GSG1L: variants seen among roughly 807,000 people sequenced by gnomAD.
The protein encoded by GSG1L is germ cell-specific gene 1-like protein.
A neutral mutation model predicts 42.1 loss-of-function variants in GSG1L; 24 were observed. The ratio of observed to expected loss-of-function variants is 0.57; its 90% CI spans 0.41 to 0.80. The LOEUF is 0.80. Among genes scored for constraint, GSG1L ranks in the 30% least tolerant of loss-of-function variants. The pLI is 0.00. For synonymous variants in GSG1L, 215 were observed against 203.5 expected (o/e 1.06, Z -0.48); for missense variants, 445 against 472.2 (o/e 0.94, Z 0.53).
intron 1 of GSG1L, among the ~76,000 whole-genome samples, chr16:28,062,778 G>A (rs539429683): frequency 2.2e-4 from 34 of 152,130 alleles, no homozygotes; most frequent in Admixed American, 1.6e-3. Context: ...CGGCAGCGGG[G>A]GTGGGCGCCT....
intron 5 of GSG1L, among the ~76,000 whole-genome samples, chr16:27,808,762 C>A (rs980665848): frequency 6.6e-6 from 1 of 152,206 alleles, no homozygotes; most frequent in Non-Finnish European, 1.5e-5. Context: ...TCCCCACCAA[C>A]AATTGCAAGA....
rs111682912 is a variant in GSG1L at position 27,920,660 on chromosome 16, C to T, written c.398-36022G>A. Among the ~76,000 whole-genome samples, 30 of 152,342 alleles carry T rather than the reference C, an allele frequency of 2.0e-4. 1 individual carries two copies. The highest frequency in any genetic ancestry group is 5.5e-4 in the African/African-American group (23 of 41,588). ...CATCCCGGGAAGTCACTGTTCATCA[C>T]GGCATGCTCCTGTCACCCTCCCAGC... On this transcript the variant is annotated intron_variant, in intron 2 of 6. Transcript: ENST00000447459.
At position 27,998,502 on chromosome 16, in the gene GSG1L, A is replaced by G. The variant is rs527769769; in HGVS notation, c.350-35299T>C. 3 of 152,162 alleles carry G rather than the reference A, an allele frequency of 2.0e-5. No homozygotes were observed. In the East Asian group the frequency reaches 5.8e-4, roughly 29 times the overall value. 9.4% of individuals were successfully genotyped at this position (152,162 alleles called of 1,614,324 possible). A position where few individuals can be genotyped will look rare whatever the true frequency, so the allele number is the denominator to read the frequency against. ...TTTGTCACATCTCATCAAACACAAG[A>G]CCTCACCAGGCGCGGGAGCTCCCGC... is the stretch of plus-strand genomic sequence containing the variant. On this transcript the variant is annotated intron_variant, in intron 1 of 6. Transcript: ENST00000447459.
intron 2 of GSG1L, among the ~76,000 whole-genome samples, chr16:27,920,958 T>G (rs543928724): frequency 3.4e-4 from 52 of 152,274 alleles, no homozygotes; most frequent in Admixed American, 9.8e-4. Flanking sequence ...AGACCTAGGC[T>G]GAGAAGGGCT....
chr16:27,908,975 G>A (rs1191557734), intron 2 of GSG1L, among the ~76,000 whole-genome samples: 1 of 152,140 alleles, frequency 6.6e-6, no homozygotes, highest in South Asian at 2.1e-4. Flanking sequence ...ATTAAAACAG[G>A]CTGGAGTCAG....
Position 27,890,136 on chromosome 16 carries a change from G to T in GSG1L, c.398-5498C>A, listed in dbSNP as rs373290601. ...GTTGCCACCGGTCTGGCTGTGGGGCGTAGGATTCCCTAGTCAAGGCTCTTA... is the reference window on the plus strand; with the variant it reads ...GTTGCCACCGGTCTGGCTGTGGGGCTTAGGATTCCCTAGTCAAGGCTCTTA... On this transcript the variant is annotated intron_variant, in intron 2 of 6. Transcript: ENST00000447459. Among the ~76,000 whole-genome samples, 3 of 152,152 alleles carry T rather than the reference G, an allele frequency of 2.0e-5. No individual in the cohort carries two copies. The South Asian group carries it at 6.2e-4, about 32-fold the overall frequency.
intron 3 of GSG1L, among the ~76,000 whole-genome samples, chr16:27,882,060 C>T (rs1338535281): frequency 6.6e-6 from 1 of 152,122 alleles, no homozygotes; most frequent in Non-Finnish European, 1.5e-5. Context: ...AACTGTAGTT[C>T]CCATAATTCC....
At chr16:28,011,485 C>A (rs1486700664) in intron 1 of GSG1L, among the ~76,000 whole-genome samples, 2 of 152,168 alleles carry the variant, frequency 1.3e-5, no homozygotes, top group Non-Finnish European at 2.9e-5. Context: ...ATGGGCCCAT[C>A]CGAAAGAGGC....
At chr16:27,962,960 C>T (rs1235840200) in intron 2 of GSG1L, among the ~76,000 whole-genome samples, 196 bp downstream of exon 2, 1 of 152,162 alleles carries the variant, frequency 6.6e-6, no homozygotes, top group East Asian at 1.9e-4. Flanking sequence ...CAGACAGTCC[C>T]CATCCACCAG....
intron 1 of GSG1L, among the ~76,000 whole-genome samples, chr16:28,031,125 T>TTGGGATGGGA (rs1334177953): frequency 7.7e-6 from 1 of 129,232 alleles, no homozygotes; most frequent in Non-Finnish European, 1.6e-5. Flanking sequence ...TTGAGATAGG[T>TTGGGATGGGA]TGGGATGGGA....
intron 1 of GSG1L, among the ~76,000 whole-genome samples, chr16:28,056,097 C>A (rs914863630): frequency 2.0e-4 from 30 of 152,128 alleles, no homozygotes; most frequent in Admixed American, 1.6e-3. Flanking sequence ...GTCCCCAGAG[C>A]CCCAGTACAT....
At chr16:27,986,374 C>T (rs1316893830) in intron 1 of GSG1L, among the ~76,000 whole-genome samples, 3 of 151,798 alleles carry the variant, frequency 2.0e-5, no homozygotes, top group Admixed American at 6.6e-5. Context: ...GTGGTGTGCA[C>T]CTGTAATCCC....
intron 2 of GSG1L, among the ~76,000 whole-genome samples, chr16:27,904,812 TG>T (rs777539046): frequency 5.3e-5 from 8 of 152,110 alleles, no homozygotes; most frequent in Non-Finnish European, 1.0e-4. Context: ...CAGTCATAAA[TG>T]GGGGTGAATG....
At chr16:27,799,264 C>T (rs1008308891) in intron 6 of GSG1L, among the ~76,000 whole-genome samples, 7 of 150,700 alleles carry the variant, frequency 4.6e-5, no homozygotes, top group African/African-American at 7.3e-5. Flanking sequence ...CTGGGCTTGG[C>T]GGCTCACGCC....
chr16:27,842,204 C>T (rs1348106449), intron 4 of GSG1L, among the ~76,000 whole-genome samples: 1 of 151,488 alleles, frequency 6.6e-6, no homozygotes. Context: ...ATCAGTAGCA[C>T]GTTGTTGCGC....
At chr16:27,801,449 G>A (rs1050516766) in intron 6 of GSG1L, among the ~76,000 whole-genome samples, 1 of 152,132 alleles carries the variant, frequency 6.6e-6, no homozygotes, top group African/African-American at 2.4e-5. Context: ...CTGACATCCC[G>A]CCTCCCCCGT....
intron 3 of GSG1L, among the ~76,000 whole-genome samples, chr16:27,847,869 C>T (rs1044333542): frequency 4.6e-5 from 7 of 152,198 alleles, no homozygotes; most frequent in African/African-American, 1.7e-4. Flanking sequence ...GCCTCCCAAG[C>T]CATGCTTCCT....
In GSG1L at chr16:27,948,861, G is replaced by A. The variant is rs1027163355; in HGVS notation, c.397+14295C>T. 2.1e-4 allele frequency among the ~76,000 whole-genome samples: 31 copies of A among 150,190 alleles called. 1 individual carries two copies. In the East Asian group the frequency reaches 2.1e-3, roughly 10 times the overall value. Reference sequence around the variant, plus strand: ...CCTGACCTCGTGATCCGCCTGCCTCGGCCTCCCAAAGTGCTGGGATTACAG... The same window carrying A: ...CCTGACCTCGTGATCCGCCTGCCTCAGCCTCCCAAAGTGCTGGGATTACAG... On this transcript the variant is annotated intron_variant, in intron 2 of 6. Coordinates refer to ENST00000447459, the MANE Select transcript of GSG1L (RefSeq NM_001109763.2).
At chr16:27,974,272 C>T (rs1051916099) in intron 1 of GSG1L, among the ~76,000 whole-genome samples, 6 of 152,282 alleles carry the variant, frequency 3.9e-5, no homozygotes, top group Non-Finnish European at 7.3e-5. Context: ...CAAAGAAAAA[C>T]GTCACGGGAA....
Sources: gnomAD v4.1 joint callset for allele counts (sites outside exome capture counted in the v4.1 genomes callset) on GRCh38, gnomAD v4.1.1 for gene constraint, MANE v1.5 for transcripts, NCBI Gene and HGNC (gene_info 2026-07-23, HGNC 2026-07-21) for gene names.